The following B3GALT5 variants were observed in gnomAD, a reference collection of about 807,000 sequenced individuals.
B3GALT5 encodes beta-1,3-galactosyltransferase 5, also known as UDP-Gal:betaGlcNAc beta 1,3-galactosyltransferase, polypeptide 5.
For missense variants in B3GALT5, 328 were observed against 396.6 expected (o/e 0.83, Z 1.47); for synonymous variants, 156 against 158.6 (o/e 0.98, Z 0.12).
intron 1 of B3GALT5, among the ~76,000 whole-genome samples, chr21:39,623,191 C>T (rs1296571535): frequency 1.8e-5 from 2 of 111,216 alleles, no homozygotes; most frequent in Non-Finnish European, 3.7e-5. Flanking sequence ...TCCATCCATC[C>T]CTCCCTCCTT....
chr21:39,614,545 T>C (rs1311898133), intron 1 of B3GALT5, among the ~76,000 whole-genome samples: 1 of 152,212 alleles, frequency 6.6e-6, no homozygotes, highest in Non-Finnish European at 1.5e-5. Context: ...AAGTAGGTAC[T>C]TTGAATAAAC....
intron 2 of B3GALT5, among the ~76,000 whole-genome samples, chr21:39,648,667 C>T (rs79330819): frequency 1.3e-5 from 2 of 152,270 alleles, no homozygotes; most frequent in African/African-American, 4.8e-5. Flanking sequence ...AGCAGGTGCT[C>T]AATAAACGCT....
In B3GALT5 at chr21:39,623,837, A is replaced by G. The variant is rs915794776; in HGVS notation, c.-392+10770A>G. Among the ~76,000 whole-genome samples the G allele has an allele frequency of 4.6e-5, 7 of 152,174 alleles. No homozygotes were observed. In the South Asian group the frequency reaches 1.5e-3, roughly 32 times the overall value. ...TTTGATTTGAGATCTCATATTTTCAATTCTGGAAAATTCTCAGCTGATATG... is the reference window on the plus strand; with the variant it reads ...TTTGATTTGAGATCTCATATTTTCAGTTCTGGAAAATTCTCAGCTGATATG... On this transcript the variant is annotated intron_variant, in intron 1 of 3. Coordinates refer to ENST00000684187, the MANE Select transcript of B3GALT5 (RefSeq NM_001356336.2).
Position 39,662,790 on chromosome 21 carries a change from G to A in B3GALT5, c.*1298G>A, listed in dbSNP as rs1356951405. The A allele has an allele frequency of 6.0e-6, 1 of 167,024 alleles. No individual in the cohort carries two copies. Among genetic ancestry groups the A allele is most frequent in the Non-Finnish European group, 1.5e-5 (1 of 68,116 alleles). 10.3% of individuals were successfully genotyped at this position (167,024 alleles called of 1,614,324 possible). ...TAATCTTGCTCCTAATTATAGAAATGATTTTTCTTTTAATTTTTTACTTTA... is the reference window on the plus strand; with the variant it reads ...TAATCTTGCTCCTAATTATAGAAATAATTTTTCTTTTAATTTTTTACTTTA... On this transcript the variant is annotated 3_prime_UTR_variant, in exon 4 of 4. Transcript: ENST00000684187.
At chr21:39,635,672 G>T (rs1396164156) in intron 1 of B3GALT5, among the ~76,000 whole-genome samples, 3 of 152,196 alleles carry the variant, frequency 2.0e-5, no homozygotes, top group African/African-American at 7.2e-5. Flanking sequence ...TAAAGACAGG[G>T]TTTTGCCATG....
intron 1 of B3GALT5, among the ~76,000 whole-genome samples, 196 bp from the exon 2 acceptor site, chr21:39,646,196 C>T (rs2079337956): frequency 6.6e-6 from 1 of 152,082 alleles, no homozygotes; most frequent in Non-Finnish European, 1.5e-5. Context: ...TACTGCTTCT[C>T]AACACTCCTG....
intron 3 of B3GALT5, 87 bp downstream of exon 3, chr21:39,659,999 G>A: frequency 1.3e-6 from 1 of 770,984 alleles, no homozygotes; most frequent in Non-Finnish European, 1.6e-6. Flanking sequence ...GGGCAGAACA[G>A]GAAAGAATCA....
In B3GALT5 at chr21:39,634,783, C is replaced by T. The variant is rs573856742; in HGVS notation, c.-391-11609C>T. 4.6e-5 allele frequency among the ~76,000 whole-genome samples: 7 copies of T among 152,124 alleles called. No homozygotes were observed. In the South Asian group the frequency reaches 6.2e-4, roughly 14 times the overall value. On this transcript the variant is annotated intron_variant, in intron 1 of 3. Coordinates refer to ENST00000684187, the MANE Select transcript of B3GALT5 (RefSeq NM_001356336.2). ...AGGCCAGGCCAGGTGATCTTGAACC[C>T]GAGGAACAGAAGTCATCACGTTTGC...
At chr21:39,647,707 T>C (rs994288346) in intron 2 of B3GALT5, among the ~76,000 whole-genome samples, 1 of 152,164 alleles carries the variant, frequency 6.6e-6, no homozygotes, top group Non-Finnish European at 1.5e-5. Flanking sequence ...GCATGCTGAA[T>C]TCCTATCACT....
At chr21:39,624,556 T>C (rs1353786703) in intron 1 of B3GALT5, among the ~76,000 whole-genome samples, 2 of 152,206 alleles carry the variant, frequency 1.3e-5, no homozygotes, top group Non-Finnish European at 2.9e-5. Context: ...GTGCCTATTA[T>C]AATTGGATAT....
At chr21:39,651,019 C>A (rs543824852) in intron 2 of B3GALT5, among the ~76,000 whole-genome samples, 2 of 151,952 alleles carry the variant, frequency 1.3e-5, no homozygotes, top group Non-Finnish European at 2.9e-5. Flanking sequence ...ATGAGGTCAC[C>A]GTGATGTCTT....
rs1344901231 is a variant in B3GALT5, at chr21:39,667,913, T to C, written c.*6421T>C. The C allele has an allele frequency of 3.3e-5, 5 of 152,256 alleles. No individual in the cohort carries two copies. The highest frequency in any genetic ancestry group is 1.2e-4 in the African/African-American group (5 of 41,454). The allele number at this position is 152,256 out of a possible 1,614,324, so 9.4% of individuals were successfully genotyped here. A position where few individuals can be genotyped will look rare whatever the true frequency, so the allele number is the denominator to read the frequency against. ...TGTGGCCCCAGGTGGTCATTCTCTCTGCACCTCAGTCTCTGCATCTCTATA... is the reference window on the plus strand; with the variant it reads ...TGTGGCCCCAGGTGGTCATTCTCTCCGCACCTCAGTCTCTGCATCTCTATA... On this transcript the variant is annotated 3_prime_UTR_variant, in exon 4 of 4. Transcript: ENST00000684187.
chr21:39,627,982 A>G (rs1169968349), intron 1 of B3GALT5, among the ~76,000 whole-genome samples: 1 of 152,246 alleles, frequency 6.6e-6, no homozygotes, highest in African/African-American at 2.4e-5. Context: ...AGGCATTTAT[A>G]CTAGTCACAA....
chr21:39,645,567 C>T (rs1000919970), intron 1 of B3GALT5, among the ~76,000 whole-genome samples: 4 of 152,206 alleles, frequency 2.6e-5, no homozygotes, highest in African/African-American at 7.2e-5. Context: ...CTGTGGCTGA[C>T]ACCACGTGGT....
At chr21:39,644,350 G>T (rs1419628570) in intron 1 of B3GALT5, among the ~76,000 whole-genome samples, 1 of 152,130 alleles carries the variant, frequency 6.6e-6, no homozygotes, top group Non-Finnish European at 1.5e-5. Flanking sequence ...GGACTCACAA[G>T]GAGTTTCCTT....
At position 39,662,362 on chromosome 21, in the gene B3GALT5, T is replaced by G. The variant is rs1602312634; in HGVS notation, c.*870T>G. The stretch of plus-strand genomic sequence containing the variant: ...CCAACTGTCCCTTGTTTTTGATCAA[T>G]GGGGACCAGCCACTGCCCCAGGAGC... On this transcript the variant is annotated 3_prime_UTR_variant, in exon 4 of 4. Transcript: ENST00000684187. 6.0e-6 allele frequency: 1 copy of G among 167,208 alleles called. No individual in the cohort carries two copies. 10.4% of individuals were successfully genotyped at this position (167,208 alleles called of 1,614,324 possible). A position where few individuals can be genotyped will look rare whatever the true frequency, so the allele number is the denominator to read the frequency against.
In B3GALT5 at chr21:39,665,459, T is replaced by A. The variant is rs1469431013; in HGVS notation, c.*3967T>A. The A allele has an allele frequency of 6.6e-6, 1 of 152,262 alleles. No individual in the cohort carries two copies. The highest frequency in any genetic ancestry group is 6.5e-5 in the Admixed American group (1 of 15,288). 9.4% of individuals were successfully genotyped at this position (152,262 alleles called of 1,614,324 possible). ...CTGAGGTTTCCCATCACCAAGGATA[T>A]TAAGGATAAAAACCACATCCTTCAT... is the stretch of plus-strand genomic sequence containing the variant. On this transcript the variant is annotated 3_prime_UTR_variant, in exon 4 of 4. Transcript: ENST00000684187.
chr21:39,667,723 C>G lies in B3GALT5; in HGVS notation c.*6231C>G, dbSNP rs1163035204. 6.6e-6 allele frequency: 1 copy of G among 152,216 alleles called. No homozygotes were observed. The highest frequency in any genetic ancestry group is 1.5e-5 in the Non-Finnish European group (1 of 68,052). 9.4% of individuals were successfully genotyped at this position (152,216 alleles called of 1,614,324 possible). ...ACTGGGACACCAGGTTACTGTCTAC[C>G]TGGTGGGGAAGCTGGGGAAAAGGGC... On this transcript the variant is annotated 3_prime_UTR_variant, in exon 4 of 4. Transcript: ENST00000684187.
At chr21:39,652,675 G>A (rs969112046) in intron 2 of B3GALT5, among the ~76,000 whole-genome samples, 2 of 152,232 alleles carry the variant, frequency 1.3e-5, no homozygotes, top group African/African-American at 4.8e-5. Context: ...TTGGCAATTA[G>A]TGAAATATTA....
Sources: allele counts gnomAD v4.1 joint callset (sites outside exome capture counted in the v4.1 genomes callset), GRCh38; gene constraint gnomAD v4.1.1; transcripts MANE v1.5; gene names NCBI Gene and HGNC (gene_info 2026-07-23, HGNC 2026-07-21).